TBCK: variants seen among roughly 807,000 people sequenced by gnomAD.
TBCK encodes TBC1 domain containing kinase.
A neutral mutation model predicts 113.4 loss-of-function variants in TBCK; 99 were observed. That is an observed-to-expected ratio of 0.87 (90% CI 0.74 to 1.03). The LOEUF (loss-of-function observed/expected upper bound fraction) is 1.03. TBCK is among the 50% of genes least tolerant of loss of function. The pLI is 0.00. For missense variants in TBCK, 1,045 were observed against 1,061.3 expected (o/e 0.98, Z 0.21); for synonymous variants, 369 against 370.8 (o/e 1.00, Z 0.05).
chr4:106,079,863 C>T (rs1738652722), intron 25 of TBCK, among the ~76,000 whole-genome samples: 1 of 152,118 alleles, frequency 6.6e-6, no homozygotes, highest in African/African-American at 2.4e-5. Context: ...GAGGAGGAAG[C>T]AGGCGCATCG....
In TBCK at chr4:106,193,677, T is replaced by C. The variant is rs896700249; in HGVS notation, c.1991A>G (p.Gln664Arg). ...FPFCIGVAIL[Q>R]QLRDRLLANG... ...AGCCAAAAGCCGGTCCCGCAGCTGC[T>C]GAAGAATTGCTACTCCAATACAGAA... The change falls in exon 22 of 26, where the codon CAG becomes CGG. Residue 664 changes from glutamine (Q) to arginine (R), a missense_variant. Coordinates refer to ENST00000394708, the MANE Select transcript of TBCK (RefSeq NM_001163435.3). 1.9e-6 allele frequency: 3 copies of C among 1,613,344 alleles called. No individual in the cohort carries two copies. Among genetic ancestry groups the C allele is most frequent in the African/African-American group, 1.3e-5 (1 of 74,868 alleles).
chr4:106,248,829 G>A (rs1761116119), intron 8 of TBCK, 92 bp downstream of exon 8: 1 of 1,045,666 alleles, frequency 9.6e-7, no homozygotes, highest in Non-Finnish European at 1.4e-6. Flanking sequence ...CAATAACTGT[G>A]GAAAAATAAA....
At chr4:106,173,175 G>A (rs1751237061) in intron 22 of TBCK, among the ~76,000 whole-genome samples, 1 of 152,086 alleles carries the variant, frequency 6.6e-6, no homozygotes, top group Non-Finnish European at 1.5e-5. Flanking sequence ...TTTGAGGCAT[G>A]GGCCTATTTA....
Position 106,290,678 on chromosome 4 carries a change from T to C in TBCK, c.266+4416A>G, listed in dbSNP as rs185748945. Reference sequence around the variant, plus strand: ...ACAGGGGTTCCCAACCCCCCCACCATGGACTAGTCCTGGACCCTGTACCTA... The same window carrying C: ...ACAGGGGTTCCCAACCCCCCCACCACGGACTAGTCCTGGACCCTGTACCTA... On this transcript the variant is annotated intron_variant, in intron 3 of 25. Transcript: ENST00000394708. 2.3e-4 allele frequency among the ~76,000 whole-genome samples: 35 copies of C among 152,244 alleles called. No homozygotes were observed. In the East Asian group the frequency reaches 3.1e-3, roughly 13 times the overall value.
At chr4:106,160,357 C>T (rs1749628708) in intron 23 of TBCK, among the ~76,000 whole-genome samples, 1 of 151,296 alleles carries the variant, frequency 6.6e-6, no homozygotes, top group Admixed American at 6.6e-5. Flanking sequence ...GAAATATTTG[C>T]AAATCATATA....
At chr4:106,146,320 T>C (rs543222442) in intron 23 of TBCK, among the ~76,000 whole-genome samples, 2 of 152,312 alleles carry the variant, frequency 1.3e-5, no homozygotes, top group East Asian at 1.9e-4. Flanking sequence ...CTGAAGGCTA[T>C]TATCCTCAGC....
chr4:106,250,075 C>T (rs1285438645), intron 7 of TBCK, among the ~76,000 whole-genome samples: 2 of 151,826 alleles, frequency 1.3e-5, no homozygotes, highest in African/African-American at 2.4e-5. Context: ...GAAAGATAGC[C>T]CAAAAGTTAA....
intron 1 of TBCK, among the ~76,000 whole-genome samples, chr4:106,311,090 A>C (rs151070099): frequency 5.8e-4 from 89 of 152,246 alleles, no homozygotes; most frequent in Non-Finnish European, 1.1e-3. Flanking sequence ...ATAATGTTAG[A>C]AGGATGTGGA....
At chr4:106,193,795 A>G (rs773630462) in intron 21 of TBCK, 25 bp from the exon 22 acceptor site, 2 of 1,452,264 alleles carry the variant, frequency 1.4e-6, no homozygotes, top group African/African-American at 1.4e-5. Flanking sequence ...AAATACAAAT[A>G]AATTAAAAAA....
In TBCK at chr4:106,156,080, T is replaced by C. The variant is rs143280117; in HGVS notation, c.2235+15015A>G. Among the ~76,000 whole-genome samples the C allele has an allele frequency of 2.6e-5, 4 of 152,266 alleles. No individual in the cohort carries two copies. The East Asian group carries it at 7.7e-4, about 29-fold the overall frequency. ...CTTGAGTGTTGTGATCTAAGCTATA[T>C]CTGTATTAACGGACACCCCAAACCC... is the stretch of plus-strand genomic sequence containing the variant. On this transcript the variant is annotated intron_variant, in intron 23 of 25. Coordinates refer to ENST00000394708, the MANE Select transcript of TBCK (RefSeq NM_001163435.3).
At chr4:106,297,067 C>T in intron 2 of TBCK, among the ~76,000 whole-genome samples, 1 of 152,100 alleles carries the variant, frequency 6.6e-6, no homozygotes, top group South Asian at 2.1e-4. Context: ...TCCCTCCCCT[C>T]AGTATCCTCT....
At chr4:106,252,096 A>ATTT in intron 5 of TBCK, 89 bp from the exon 6 acceptor site, 1 of 1,076,040 alleles carries the variant, frequency 9.3e-7, no homozygotes. Flanking sequence ...GATCTATGTA[A>ATTT]AAGTCTCATG....
rs1483515795 is a variant in TBCK, at chr4:106,217,901, G to A, written c.1775-5066C>T. Among the ~76,000 whole-genome samples the A allele has an allele frequency of 8.0e-3, 1,164 of 145,074 alleles. 57 individuals carry two copies. Among genetic ancestry groups the A allele is most frequent in the Admixed American group, 0.076 (1,108 of 14,534 alleles). ...TTCATATGGAACCAAAAAAGAGCCC[G>A]CATCGCCAAGTCAATCCTAAGCCAA... On this transcript the variant is annotated intron_variant, in intron 19 of 25. Transcript: ENST00000394708.
rs543547821 is a variant in TBCK at position 106,115,589 on chromosome 4, C to A, written c.2411+614G>T. Among the ~76,000 whole-genome samples, 4 of 152,138 alleles carry A rather than the reference C, an allele frequency of 2.6e-5. No homozygotes were observed. The East Asian group carries it at 5.8e-4, about 22-fold the overall frequency. ...TTTAAACAAAGTGAAAACCATTTATCTAGATTCTAGAAAATACACAATCAA... is the reference window on the plus strand; with the variant it reads ...TTTAAACAAAGTGAAAACCATTTATATAGATTCTAGAAAATACACAATCAA... On this transcript the variant is annotated intron_variant, in intron 24 of 25. Transcript: ENST00000394708.
intron 3 of TBCK, among the ~76,000 whole-genome samples, chr4:106,274,290 G>T (rs968236326): frequency 1.3e-5 from 2 of 152,146 alleles, no homozygotes; most frequent in African/African-American, 2.4e-5. Context: ...GAAATGGCTT[G>T]TCAAAGAGGT....
intron 19 of TBCK, among the ~76,000 whole-genome samples, chr4:106,213,188 C>T (rs985377837): frequency 6.6e-6 from 1 of 152,114 alleles, no homozygotes; most frequent in South Asian, 2.1e-4. Context: ...GTAGCAGATC[C>T]TTAAATGAAG....
chr4:106,167,094 G>C lies in TBCK; in HGVS notation c.2235+4001C>G, dbSNP rs185856304. The stretch of plus-strand genomic sequence containing the variant: ...AACTTATTCATATATATAGGGGTGT[G>C]TGTGTGTGTATTATATACACACTGT... On this transcript the variant is annotated intron_variant, in intron 23 of 25. Transcript: ENST00000394708. Among the ~76,000 whole-genome samples, 339 of 148,196 alleles carry C rather than the reference G, an allele frequency of 2.3e-3. 1 individual carries two copies. Among genetic ancestry groups the C allele is most frequent in the Non-Finnish European group, 3.0e-3 (199 of 67,010 alleles).
At chr4:106,156,893 A>G (rs546612355) in intron 23 of TBCK, among the ~76,000 whole-genome samples, 2 of 152,200 alleles carry the variant, frequency 1.3e-5, no homozygotes, top group African/African-American at 4.8e-5. Flanking sequence ...TGTAAGACAA[A>G]GCTCCCTTAC....
chr4:106,214,000 C>T (rs80285929), intron 19 of TBCK, among the ~76,000 whole-genome samples: 20,511 of 152,010 alleles, frequency 0.13, 1,615 homozygotes, highest in South Asian at 0.24. Context: ...AGTGGTTCTC[C>T]CAGCATGCAG....
Sources: gnomAD v4.1 joint callset for allele counts (sites outside exome capture counted in the v4.1 genomes callset) on GRCh38, gnomAD v4.1.1 for gene constraint, MANE v1.5 for transcripts, NCBI Gene and HGNC (gene_info 2026-07-23, HGNC 2026-07-21) for gene names.